Variants in SULF1 observed in about 807,000 individuals in gnomAD.
The protein encoded by SULF1 is sulfatase 1, also known as extracellular sulfatase Sulf-1.
Under a neutral mutation model 110.5 loss-of-function variants are expected in SULF1, and 46 were observed. The observed-to-expected ratio is 0.42, with a 90% CI of 0.33 to 0.53. The LOEUF is 0.53. Ranked by LOEUF, SULF1 falls within the 20% of genes least tolerant of loss-of-function variation. The pLI is 0.12. For missense variants in SULF1, 941 were observed against 1,094.2 expected (o/e 0.86, Z 1.98); for synonymous variants, 371 against 387.1 (o/e 0.96, Z 0.49).
In SULF1 at chr8:69,660,625, A is replaced by G. The variant is rs1813041960; in HGVS notation, c.*2090A>G. The G allele has an allele frequency of 1.3e-5, 2 of 152,640 alleles. 1 individual carries two copies. The highest frequency in any genetic ancestry group is 4.1e-4 in the South Asian group (2 of 4,830). 9.5% of individuals were successfully genotyped at this position (152,640 alleles called of 1,614,324 possible). Reference sequence around the variant, plus strand: ...TTTATGGTAAACTCTTTTAAAGAAAATTTAATATGTTATAGCTGAATCTTT... The same window carrying G: ...TTTATGGTAAACTCTTTTAAAGAAAGTTTAATATGTTATAGCTGAATCTTT... On this transcript the variant is annotated 3_prime_UTR_variant, in exon 23 of 23. Transcript: ENST00000402687.
chr8:69,629,968 T>C (rs1029111582), intron 19 of SULF1, among the ~76,000 whole-genome samples: 15 of 152,226 alleles, frequency 9.9e-5, no homozygotes, highest in Non-Finnish European at 2.1e-4. Context: ...CCAGTAGAAC[T>C]GTTCTATAGC....
intron 15 of SULF1, among the ~76,000 whole-genome samples, chr8:69,626,408 C>G (rs968732469): frequency 1.8e-4 from 27 of 152,382 alleles, no homozygotes; most frequent in African/African-American, 6.3e-4. Flanking sequence ...ACTCAGGAGC[C>G]CAGCTGGCTT....
At chr8:69,610,620 G>A (rs1265834208) in intron 13 of SULF1, among the ~76,000 whole-genome samples, 1 of 152,194 alleles carries the variant, frequency 6.6e-6, no homozygotes, top group African/African-American at 2.4e-5. Context: ...TTCAACCCAT[G>A]CTGAAGCTCA....
At chr8:69,640,182 AAAAG>A (rs201093538) in intron 21 of SULF1, among the ~76,000 whole-genome samples, 110 of 146,724 alleles carry the variant, frequency 7.5e-4, no homozygotes, top group Middle Eastern at 3.5e-3. Context: ...AAAGAAAGAG[AAAAG>A]AAAGAAAGAG....
At chr8:69,581,270 A>G (rs1586463148) in intron 6 of SULF1, among the ~76,000 whole-genome samples, 1 of 152,342 alleles carries the variant, frequency 6.6e-6, no homozygotes, top group South Asian at 2.1e-4. Context: ...AAATCTCAAT[A>G]TATCTTTTGA....
chr8:69,657,753 C>T (rs1812836332), intron 22 of SULF1, among the ~76,000 whole-genome samples: 1 of 152,140 alleles, frequency 6.6e-6, no homozygotes, highest in African/African-American at 2.4e-5. Context: ...TCATCTAGGC[C>T]ACCTCTTTCC....
At chr8:69,593,532 G>C (rs1380575893) in intron 8 of SULF1, among the ~76,000 whole-genome samples, 1 of 152,138 alleles carries the variant, frequency 6.6e-6, no homozygotes, top group Non-Finnish European at 1.5e-5. Context: ...TCAGACTGGG[G>C]TGAATGTATC....
At chr8:69,632,216 A>G (rs1810618705) in intron 19 of SULF1, among the ~76,000 whole-genome samples, 1 of 152,168 alleles carries the variant, frequency 6.6e-6, no homozygotes, top group African/African-American at 2.4e-5. Context: ...AACTGATCCC[A>G]TTCAATACCA....
intron 6 of SULF1, among the ~76,000 whole-genome samples, chr8:69,579,417 T>A (rs941895593): frequency 3.3e-5 from 5 of 151,300 alleles, no homozygotes; most frequent in African/African-American, 1.2e-4. Flanking sequence ...GGTGTGTTGG[T>A]GCATGCTTGT....
chr8:69,583,313 CA>C (rs1170603601), intron 6 of SULF1, among the ~76,000 whole-genome samples: 1 of 151,958 alleles, frequency 6.6e-6, no homozygotes, highest in Non-Finnish European at 1.5e-5. Context: ...CCTGTAATCC[CA>C]GCACTTTGGG....
chr8:69,600,111 A>G (rs1171551074), intron 8 of SULF1, among the ~76,000 whole-genome samples: 1 of 152,248 alleles, frequency 6.6e-6, no homozygotes, highest in Admixed American at 6.5e-5. Flanking sequence ...GTAAGTAATC[A>G]ATAAAATACT....
intron 2 of SULF1, among the ~76,000 whole-genome samples, chr8:69,501,605 T>C (rs1810802678): frequency 6.6e-6 from 1 of 152,186 alleles, no homozygotes; most frequent in Admixed American, 6.5e-5. Context: ...TGAAATCCAG[T>C]CAAAGAATGA....
intron 5 of SULF1, among the ~76,000 whole-genome samples, chr8:69,567,173 T>A (rs1375029002): frequency 6.6e-6 from 1 of 151,900 alleles, no homozygotes; most frequent in East Asian, 1.9e-4. Flanking sequence ...ACAAAATGAC[T>A]AGGAACCACA....
At chr8:69,591,491 G>C (rs1806897587) in intron 8 of SULF1, among the ~76,000 whole-genome samples, 1 of 151,852 alleles carries the variant, frequency 6.6e-6, no homozygotes, top group African/African-American at 2.4e-5. Context: ...ATGAACCCGG[G>C]AGGCGGAGCT....
At chr8:69,622,870 C>G (rs1449791397) in intron 14 of SULF1, among the ~76,000 whole-genome samples, 1 of 152,100 alleles carries the variant, frequency 6.6e-6, no homozygotes, top group Non-Finnish European at 1.5e-5. Flanking sequence ...TATTGACACC[C>G]CTACTGTCAC....
intron 8 of SULF1, among the ~76,000 whole-genome samples, chr8:69,598,663 A>T (rs999098670): frequency 2.0e-5 from 3 of 152,186 alleles, no homozygotes; most frequent in African/African-American, 2.4e-5. Flanking sequence ...AAATGCTGGG[A>T]TTACAGGCGT....
rs558374559 is a variant in SULF1 at position 69,542,394 on chromosome 8, A to T, written c.-133-21145A>T. On this transcript the variant is annotated intron_variant, in intron 3 of 22. Transcript: ENST00000402687. The stretch of plus-strand genomic sequence containing the variant: ...ACATGAAGGAAACTGCTTTGCATCA[A>T]GTGCAATGTGTGTCCCCAGTGTGGT... Among the ~76,000 whole-genome samples the T allele has an allele frequency of 3.3e-5, 5 of 151,502 alleles. No homozygotes were observed. In the South Asian group the frequency reaches 1.0e-3, roughly 32 times the overall value.
intron 3 of SULF1, among the ~76,000 whole-genome samples, chr8:69,540,145 G>A (rs934154698): frequency 6.6e-6 from 1 of 152,138 alleles, no homozygotes; most frequent in Admixed American, 6.6e-5. Flanking sequence ...TCTCATGAGT[G>A]GAGAAAGTAC....
intron 19 of SULF1, among the ~76,000 whole-genome samples, chr8:69,630,514 T>G (rs2130618916): frequency 1.3e-5 from 2 of 152,356 alleles, no homozygotes; most frequent in Middle Eastern, 6.8e-3. Context: ...ATGTTTTCCC[T>G]TTCCATTTTG....
Sources: allele counts gnomAD v4.1 joint callset (sites outside exome capture counted in the v4.1 genomes callset), GRCh38; gene constraint gnomAD v4.1.1; transcripts MANE v1.5; gene names NCBI Gene and HGNC (gene_info 2026-07-23, HGNC 2026-07-21).